Variants in MYH15 observed in about 807,000 individuals in gnomAD.
MYH15 encodes myosin-15.
In MYH15, 227 loss-of-function variants were observed where a neutral mutation model predicts 240.5. That is an observed-to-expected ratio of 0.94 (90% confidence interval 0.85 to 1.05). MYH15 has a LOEUF of 1.05. Ranked by LOEUF, MYH15 falls within the 50% of genes least tolerant of loss-of-function variation. The pLI, the probability that MYH15 is intolerant of heterozygous loss-of-function variation, is 0.00. For missense variants in MYH15, 2,217 were observed against 2,247.5 expected (o/e 0.99, Z 0.27); for synonymous variants, 785 against 796.7 (o/e 0.99, Z 0.25).
chr3:108,536,495 C>T, the MYH15 span, among the ~76,000 whole-genome samples: 8 of 152,190 alleles, frequency 5.3e-5, no homozygotes, highest in Non-Finnish European at 1.0e-4. Context: ...ATTTCTCACA[C>T]TGTAAAGTTT....
rs796318375 is a variant in MYH15, at chr3:108,394,909, T to C, written c.5134-753A>G. The stretch of plus-strand genomic sequence containing the variant: ...TTTATTTCTCCTTTCACTTTATCCG[T>C]TTCACATTCACTTGCCTCTGGCTAG... On this transcript the variant is annotated intron_variant, in intron 35 of 40. Transcript: ENST00000693548. Among the ~76,000 whole-genome samples the C allele has an allele frequency of 3.6e-4, 55 of 152,332 alleles. 2 individuals are homozygous for C. Among genetic ancestry groups the C allele is most frequent in the African/African-American group, 1.3e-3 (55 of 41,566 alleles).
At chr3:108,443,991 A>C (rs1189429392) in intron 22 of MYH15, among the ~76,000 whole-genome samples, 3 of 37,634 alleles carry the variant, frequency 8.0e-5, no homozygotes, top group Admixed American at 7.8e-4. Context: ...CACTCTGGGG[A>C]CTGTTGTGGG....
chr3:108,463,073 T>C (rs761443578), intron 16 of MYH15, 38 bp downstream of exon 16: 2 of 1,573,440 alleles, frequency 1.3e-6, no homozygotes, highest in Non-Finnish European at 1.7e-6. Flanking sequence ...TGGGTTCCAT[T>C]CTGAGGCTGA....
chr3:108,423,527 T>C (rs2082701300), intron 27 of MYH15, among the ~76,000 whole-genome samples: 2 of 152,224 alleles, frequency 1.3e-5, no homozygotes, highest in Non-Finnish European at 2.9e-5. Flanking sequence ...AAGAAAGCTA[T>C]AGTAGTGATC....
chr3:108,458,412 C>G (rs886934803), intron 18 of MYH15, among the ~76,000 whole-genome samples: 1 of 152,136 alleles, frequency 6.6e-6, no homozygotes, highest in South Asian at 2.1e-4. Context: ...CGCAGAAACT[C>G]AAACTGCAGC....
intron 1 of MYH15, among the ~76,000 whole-genome samples, chr3:108,507,896 T>A (rs2083490313): frequency 6.6e-6 from 1 of 152,216 alleles, no homozygotes. Context: ...AGCATACATT[T>A]TGTGTGTGTG....
intron 29 of MYH15, among the ~76,000 whole-genome samples, chr3:108,415,602 T>C (rs1240702327): frequency 6.6e-6 from 1 of 152,170 alleles, no homozygotes; most frequent in Non-Finnish European, 1.5e-5. Context: ...AATACATTAA[T>C]AAATAAAATT....
chr3:108,450,091 T>C (rs936763158), intron 21 of MYH15, among the ~76,000 whole-genome samples: 6 of 152,126 alleles, frequency 3.9e-5, no homozygotes, highest in African/African-American at 1.4e-4. Context: ...AAGGGAACCC[T>C]TGTACACTGT....
intron 37 of MYH15, 60 bp from the exon 38 acceptor site, chr3:108,389,134 T>C: frequency 1.4e-6 from 2 of 1,439,772 alleles, no homozygotes; most frequent in Non-Finnish European, 1.9e-6. Flanking sequence ...TTCTATTTGC[T>C]GATTGGCACA....
the MYH15 span, among the ~76,000 whole-genome samples, chr3:108,546,749 G>A: frequency 6.6e-6 from 1 of 152,148 alleles, no homozygotes; most frequent in Admixed American, 6.6e-5. Context: ...TGAGTTTTAA[G>A]AGTTATACCT....
In MYH15 at chr3:108,522,545, TGAC is replaced by T. The variant is rs201398212; in HGVS notation, c.-58+6715_-58+6717del. ...CCATAGAATCTATGGATAATTGACT[TGAC>T]GACAAAATTAAAGTAACTATGCCCA... is the stretch of plus-strand genomic sequence containing the variant. On this transcript the variant is annotated intron_variant, in intron 1 of 41. Transcript: ENST00000273353. 3.5e-3 allele frequency among the ~76,000 whole-genome samples: 531 copies of T among 152,152 alleles called. 1 individual carries two copies. The highest frequency in any genetic ancestry group is 0.012 in the African/African-American group (509 of 41,528).
At chr3:108,390,359 G>A (rs554803556) in intron 37 of MYH15, among the ~76,000 whole-genome samples, 1 of 152,218 alleles carries the variant, frequency 6.6e-6, no homozygotes, top group African/African-American at 2.4e-5. Context: ...CGTTGCTACT[G>A]AGTTATCACT....
chr3:108,456,942 T>A, intron 18 of MYH15, 59 bp from the exon 19 acceptor site: 1 of 1,259,122 alleles, frequency 7.9e-7, no homozygotes, highest in Non-Finnish European at 1.1e-6. Flanking sequence ...TTGGGACAGA[T>A]TTTGAACCAA....
chr3:108,482,510 CT>C (rs1471169222), intron 11 of MYH15, among the ~76,000 whole-genome samples: 8 of 152,206 alleles, frequency 5.3e-5, no homozygotes, highest in Admixed American at 5.2e-4. Flanking sequence ...AAAAACCATT[CT>C]TTAAGAAAAG....
intron 3 of MYH15, 56 bp from the exon 4 acceptor site, chr3:108,500,330 G>T: frequency 6.5e-7 from 1 of 1,547,858 alleles, no homozygotes; most frequent in Non-Finnish European, 8.8e-7. Context: ...TTCCAGGTTT[G>T]TCAGCTCTTC....
Position 108,383,746 on chromosome 3 carries a change from A to AT in MYH15, c.5632-18_5632-17insA, listed in dbSNP as rs372472456. ...TTGTGTTTCCTATAAAAATAAAAAA[A>AT]AAAAAAAAGAAATCTCCATGCCTAT... On this transcript the variant is annotated splice_polypyrimidine_tract_variant and intron_variant, in intron 39 of 40. Transcript: ENST00000693548. 22,674 of 1,535,590 alleles carry AT rather than the reference A, an allele frequency of 0.015. 2,713 individuals carry two copies. The African/African-American group carries it at 0.26, about 18-fold the overall frequency.
intron 15 of MYH15, 61 bp downstream of exon 15, chr3:108,464,577 G>A: frequency 6.9e-7 from 1 of 1,458,258 alleles, no homozygotes; most frequent in Non-Finnish European, 9.3e-7. Context: ...AAGGACTTTG[G>A]CTGAGCGCAT....
At chr3:108,527,335 C>T (rs2083680395) in intron 1 of MYH15, among the ~76,000 whole-genome samples, 1 of 152,136 alleles carries the variant, frequency 6.6e-6, no homozygotes, top group Non-Finnish European at 1.5e-5. Context: ...TAACCTTTCT[C>T]TGGTGACCCA....
At chr3:108,549,892 A>T in the MYH15 span, 1 of 151,880 alleles carries the variant, frequency 6.6e-6, no homozygotes, top group Non-Finnish European at 1.5e-5. Flanking sequence ...TTTATTCTTC[A>T]GTCTTATCTA....
Sources: gnomAD v4.1 joint callset for allele counts (sites outside exome capture counted in the v4.1 genomes callset) on GRCh38, gnomAD v4.1.1 for gene constraint, MANE v1.5 for transcripts, NCBI Gene and HGNC (gene_info 2026-07-23, HGNC 2026-07-21) for gene names.